AQP7: variants seen among roughly 807,000 people sequenced by gnomAD.
AQP7 encodes aquaporin 7.
AQP7 carries 22 observed loss-of-function variants against 26.1 expected under a neutral mutation model. The observed-to-expected ratio is 0.84, with a 90% CI of 0.60 to 1.20. AQP7 has a LOEUF of 1.20. Among genes scored for constraint, AQP7 ranks in the 50% most tolerant of loss-of-function variants. The pLI is 0.00. For synonymous variants in AQP7, 167 were observed against 181.7 expected, an observed-to-expected ratio of 0.92 and a Z score of 0.65; for missense variants, 412 against 457.5, an observed-to-expected ratio of 0.90 and a Z score of 0.91.
At position 33,386,389 on chromosome 9, in the gene AQP7, G is replaced by C. The variant is rs77429065; in HGVS notation, c.406+15C>G. The C allele has an allele frequency of 6.2e-7, 1 of 1,610,234 alleles. No homozygotes were observed. Among genetic ancestry groups the C allele is most frequent in the Admixed American group, 1.7e-5 (1 of 59,416 alleles). On this transcript the variant is annotated intron_variant, in intron 5 of 7. Transcript: ENST00000297988. ...CGGCTGAGGCCAGAGGCGGACACCC[G>C]GGCAGGATACTCACTGTAGAAGAGA...
Position 33,395,058 on chromosome 9 carries a change from C to T in AQP7, c.144+20G>A, listed in dbSNP as rs200054774. ...GGCCCTGGCGGAGCCCCACCCACTT[C>T]GTGCTGCCCACCCACTCACCATCAT... On this transcript the variant is annotated intron_variant, in intron 3 of 7. Coordinates refer to ENST00000297988, the MANE Select transcript of AQP7 (RefSeq NM_001170.3). 212 of 1,595,198 alleles carry T rather than the reference C, an allele frequency of 1.3e-4. No individual in the cohort carries two copies. The highest frequency in any genetic ancestry group is 1.7e-4 in the Non-Finnish European group (195 of 1,163,520).
At chr9:33,386,639 G>A in intron 4 of AQP7, 98 bp from the exon 5 acceptor site, 10 of 1,439,282 alleles carry the variant, frequency 6.9e-6, no homozygotes, top group Non-Finnish European at 9.4e-6. Flanking sequence ...ATGACAGCAT[G>A]CTCCGTGACA....
intron 3 of AQP7, among the ~76,000 whole-genome samples, chr9:33,389,813 G>T (rs368614433): frequency 6.6e-6 from 1 of 152,130 alleles, no homozygotes; most frequent in East Asian, 1.9e-4. Flanking sequence ...GAGGTGGATG[G>T]ATCACTTTAG....
chr9:33,390,335 C>T (rs970184593), intron 3 of AQP7, among the ~76,000 whole-genome samples: 2 of 151,910 alleles, frequency 1.3e-5, no homozygotes, highest in Non-Finnish European at 2.9e-5. Flanking sequence ...GAGAGGACCC[C>T]GCCCCAGCCA....
At position 33,387,061 on chromosome 9, in the gene AQP7, A is replaced by C. The variant is rs1209613166; in HGVS notation, c.176T>G (p.Val59Gly). The C allele has an allele frequency of 6.2e-7, 1 of 1,611,744 alleles. No individual in the cohort carries two copies. Among genetic ancestry groups the C allele is most frequent in the Non-Finnish European group, 8.5e-7 (1 of 1,179,750 alleles). Residue 59 changes from valine to glycine, a missense_variant, in exon 4 of 8, where the codon GTT becomes GGT. Transcript: ENST00000297988. ...VFGLGSVAHM[V>G]LNKKYGSYLG... ...GTAGCTCCCATATTTTTTATTTAGA[A>C]CCATATGGGCCACGGAACCAAGGCC...
At chr9:33,401,675 G>GCA (rs1026159520) in intron 1 of AQP7, 55 of 272,098 alleles carry the variant, frequency 2.0e-4, no homozygotes, top group Admixed American at 2.5e-4. Context: ...TCCAGGACCT[G>GCA]CACACACACA....
intron 2 of AQP7, among the ~76,000 whole-genome samples, chr9:33,400,157 A>G (rs1312306241): frequency 6.6e-6 from 1 of 152,160 alleles, no homozygotes; most frequent in Non-Finnish European, 1.5e-5. Flanking sequence ...GGCACTATTC[A>G]TTCTCTCCGT....
At chr9:33,395,841 G>T (rs10971486) in intron 2 of AQP7, among the ~76,000 whole-genome samples, 6,562 of 152,256 alleles carry the variant, frequency 0.043, 454 homozygotes, top group African/African-American at 0.15. Context: ...GAGAGAGGGA[G>T]GGAGAAAAGG....
At chr9:33,390,804 T>C (rs573688765) in intron 3 of AQP7, among the ~76,000 whole-genome samples, 4 of 152,330 alleles carry the variant, frequency 2.6e-5, no homozygotes, top group East Asian at 3.9e-4. Context: ...TCCAATACCA[T>C]GTGCTAAAAA....
rs1826081844 is a variant in AQP7 at position 33,399,400 on chromosome 9, G to A, written c.26+1837C>T. Among the ~76,000 whole-genome samples, 10 of 151,754 alleles carry A rather than the reference G, an allele frequency of 6.6e-5. No individual in the cohort carries two copies. The South Asian group carries it at 2.1e-3, about 32-fold the overall frequency. ...ACTTGAGGTCAGGAGTTCAAGACCAGCCTGGCCAACATGGCAGAACCCCAT... is the reference window on the plus strand; with the variant it reads ...ACTTGAGGTCAGGAGTTCAAGACCAACCTGGCCAACATGGCAGAACCCCAT... On this transcript the variant is annotated intron_variant, in intron 2 of 7. Transcript: ENST00000297988.
At chr9:33,395,531 G>A in intron 2 of AQP7, 1 of 309,220 alleles carries the variant, frequency 3.2e-6, no homozygotes, top group Non-Finnish European at 6.2e-6. Context: ...AAAGCAGGGT[G>A]GGAGAGAGCA....
At chr9:33,387,340 C>T (rs1417365172) in intron 3 of AQP7, among the ~76,000 whole-genome samples, 8 of 152,130 alleles carry the variant, frequency 5.3e-5, no homozygotes, top group African/African-American at 7.2e-5. Flanking sequence ...GAAGCTCTTA[C>T]GACAAACATC....
intron 3 of AQP7, among the ~76,000 whole-genome samples, chr9:33,388,825 T>G (rs1422736009): frequency 6.6e-6 from 1 of 152,186 alleles, no homozygotes; most frequent in Non-Finnish European, 1.5e-5. Flanking sequence ...TGCTGCTCCA[T>G]GCATGCCTTG....
At position 33,401,292 on chromosome 9, in the gene AQP7, G is replaced by A. The variant is rs1464330989; in HGVS notation, c.-25-5C>T. On this transcript the variant is annotated splice_region_variant and splice_polypyrimidine_tract_variant and intron_variant, in intron 1 of 7. Coordinates refer to ENST00000297988, the MANE Select transcript of AQP7 (RefSeq NM_001170.3). Reference sequence around the variant, plus strand: ...TGTCTTTCAGATTTGTAGATGCTGAGGAGCCAAAGAGAGGTCACTAGGGCT... The same window carrying A: ...TGTCTTTCAGATTTGTAGATGCTGAAGAGCCAAAGAGAGGTCACTAGGGCT... 3.9e-6 allele frequency: 6 copies of A among 1,548,994 alleles called. No homozygotes were observed. The highest frequency in any genetic ancestry group is 2.4e-5 in the South Asian group (2 of 83,960).
At chr9:33,389,490 T>G (rs1348580698) in intron 3 of AQP7, among the ~76,000 whole-genome samples, 2 of 152,150 alleles carry the variant, frequency 1.3e-5, no homozygotes, top group Non-Finnish European at 2.9e-5. Context: ...ATCCTAATAA[T>G]TTTACATTGA....
At chr9:33,395,482 C>G in intron 2 of AQP7, 1 of 409,752 alleles carries the variant, frequency 2.4e-6, no homozygotes, top group Non-Finnish European at 4.5e-6. Flanking sequence ...GGGTGGGGAG[C>G]TGAAAGTGCA....
At chr9:33,386,621 T>G (rs1824833647) in intron 4 of AQP7, 80 bp from the exon 5 acceptor site, 1 of 1,507,840 alleles carries the variant, frequency 6.6e-7, no homozygotes, top group Non-Finnish European at 9.0e-7. Context: ...CAACGATGGC[T>G]AGTGTGTATG....
chr9:33,390,781 G>A (rs577743983), intron 3 of AQP7, among the ~76,000 whole-genome samples: 1 of 152,320 alleles, frequency 6.6e-6, no homozygotes, highest in Non-Finnish European at 1.5e-5. Flanking sequence ...GGCCCCCATG[G>A]CCTTTCCCCC....
Position 33,386,615 on chromosome 9 carries a change from G to A in AQP7, c.269-74C>T, listed in dbSNP as rs564797116. On this transcript the variant is annotated intron_variant, in intron 4 of 7. Transcript: ENST00000297988. ...CAGTGACAAACAGTATGAGAACAAC[G>A]ATGGCTAGTGTGTATGACAGCATGC... 15 of 1,520,252 alleles carry A rather than the reference G, an allele frequency of 9.9e-6. 1 individual carries two copies. The highest frequency in any genetic ancestry group is 9.6e-5 in the Admixed American group (5 of 52,210). 94.2% of individuals were successfully genotyped at this position (1,520,252 alleles called of 1,614,324 possible).
Sources: allele counts gnomAD v4.1 joint callset (sites outside exome capture counted in the v4.1 genomes callset), GRCh38; gene constraint gnomAD v4.1.1; transcripts MANE v1.5; gene names NCBI Gene and HGNC (gene_info 2026-07-23, HGNC 2026-07-21).